RAC1: variants seen among roughly 807,000 people sequenced by gnomAD.
RAC1 encodes ras-related C3 botulinum toxin substrate 1.
In RAC1, 2 loss-of-function variants were observed where a neutral mutation model predicts 25.2. The ratio of observed to expected loss-of-function variants is 0.08; its 90% CI spans 0.03 to 0.25. RAC1 has a LOEUF of 0.25. Ranked by LOEUF, RAC1 falls within the 10% of genes least tolerant of loss-of-function variation. The pLI is 1.00. For missense variants in RAC1, 50 were observed against 235.7 expected (o/e 0.21, Z 5.16); for synonymous variants, 88 against 94.0 (o/e 0.94, Z 0.37).
At chr7:6,393,110 G>C (rs1330125182) in intron 3 of RAC1, among the ~76,000 whole-genome samples, 1 of 152,164 alleles carries the variant, frequency 6.6e-6, no homozygotes, top group East Asian at 1.9e-4. Context: ...GTTGAGGTCA[G>C]GAAGACATCC....
At chr7:6,384,627 G>A (rs767510536) in intron 1 of RAC1, among the ~76,000 whole-genome samples, 14 of 152,102 alleles carry the variant, frequency 9.2e-5, no homozygotes, top group Non-Finnish European at 1.5e-4. Flanking sequence ...ACAGGCAAGA[G>A]CCACCACTTA....
chr7:6,386,954 A>G (rs990529357), intron 1 of RAC1, among the ~76,000 whole-genome samples: 11 of 152,064 alleles, frequency 7.2e-5, no homozygotes. Context: ...CTTGACTATT[A>G]ATGCTAACAC....
chr7:6,398,696 G>T, intron 3 of RAC1: 1 of 1,613,692 alleles, frequency 6.2e-7, no homozygotes. Context: ...ATAACCTCCC[G>T]GGGCAAAGAC....
intron 3 of RAC1, among the ~76,000 whole-genome samples, chr7:6,399,116 G>A (rs1406954169): frequency 6.6e-6 from 1 of 152,304 alleles, no homozygotes; most frequent in African/African-American, 2.4e-5. Flanking sequence ...GTCTGGGCGT[G>A]GCTGTGCAGT....
chr7:6,389,935 T>TTCCC (rs919484237), intron 2 of RAC1, among the ~76,000 whole-genome samples: 2 of 149,840 alleles, frequency 1.3e-5, no homozygotes, highest in Admixed American at 1.3e-4. Flanking sequence ...CCTTCCTTCC[T>TTCCC]TCCCTCCCTC....
intron 1 of RAC1, among the ~76,000 whole-genome samples, chr7:6,376,672 G>GTTTTTTTTTTTT (rs71008385): frequency 3.0e-5 from 3 of 99,958 alleles, no homozygotes; most frequent in Non-Finnish European, 5.7e-5. Context: ...CAGCTAATTT[G>GTTTTTTTTTTTT]TTTTTTTTTT....
chr7:6,382,277 A>G (rs1479548148), intron 1 of RAC1, among the ~76,000 whole-genome samples: 1 of 151,848 alleles, frequency 6.6e-6, no homozygotes. Context: ...GGGAAGAGCC[A>G]CTGCGCCTGG....
intron 1 of RAC1, 49 bp downstream of exon 1, chr7:6,374,819 A>G: frequency 9.2e-7 from 1 of 1,088,624 alleles, no homozygotes. Context: ...TCGGGCGCGG[A>G]GGGGGGTTGG....
At position 6,388,939 on chromosome 7, in the gene RAC1, G is replaced by A. The variant is rs117785916; in HGVS notation, c.107+1656G>A. On this transcript the variant is annotated intron_variant, in intron 2 of 5. Coordinates refer to ENST00000348035, the MANE Select transcript of RAC1 (RefSeq NM_006908.5). ...GATACAGCTGGGCGTGATTGCTCAC[G>A]CCTGTAATCCCAGCACTTTGGGAGG... Among the ~76,000 whole-genome samples the A allele has an allele frequency of 8.2e-4, 125 of 152,158 alleles. 1 individual carries two copies. The highest frequency in any genetic ancestry group is 1.5e-3 in the Non-Finnish European group (102 of 67,996).
chr7:6,398,971 C>G (rs944765845), intron 3 of RAC1, among the ~76,000 whole-genome samples: 12 of 152,224 alleles, frequency 7.9e-5, no homozygotes, highest in African/African-American at 1.9e-4. Context: ...GAGAGGGCCC[C>G]TCTCCTGGCT....
At chr7:6,401,132 T>C (rs928205320) in intron 4 of RAC1, among the ~76,000 whole-genome samples, 15 of 152,156 alleles carry the variant, frequency 9.9e-5, no homozygotes, top group Non-Finnish European at 2.2e-4. Context: ...ATTTTTGTAC[T>C]TTTAGTAGAG....
At chr7:6,385,631 T>A (rs35029637) in intron 1 of RAC1, among the ~76,000 whole-genome samples, 65 of 152,230 alleles carry the variant, frequency 4.3e-4, no homozygotes, top group African/African-American at 1.6e-3. Flanking sequence ...CTAAAGTCTT[T>A]GGAATGGGGA....
intron 1 of RAC1, among the ~76,000 whole-genome samples, chr7:6,386,555 G>T (rs836484): frequency 0.048 from 7,289 of 152,074 alleles, 420 homozygotes; most frequent in African/African-American, 0.13. Flanking sequence ...GTCCAGGTGG[G>T]CGGATCACTT....
intron 3 of RAC1, among the ~76,000 whole-genome samples, chr7:6,394,347 A>T (rs1353848224): frequency 6.6e-6 from 1 of 152,248 alleles, no homozygotes; most frequent in East Asian, 1.9e-4. Flanking sequence ...TAATCCTTAC[A>T]TTATTTTCTC....
At chr7:6,396,766 C>G (rs34072656) in intron 3 of RAC1, among the ~76,000 whole-genome samples, 3,456 of 152,282 alleles carry the variant, frequency 0.023, 65 homozygotes, top group Middle Eastern at 0.041. Context: ...CACGGTGGCT[C>G]ACGCCTGTAA....
At chr7:6,399,607 G>A (rs1417516978) in intron 3 of RAC1, among the ~76,000 whole-genome samples, 1 of 152,204 alleles carries the variant, frequency 6.6e-6, no homozygotes, top group East Asian at 1.9e-4. Context: ...TGTCAGCTGT[G>A]AAGGTGCCAC....
At chr7:6,384,791 A>G (rs938560817) in intron 1 of RAC1, among the ~76,000 whole-genome samples, 2 of 151,396 alleles carry the variant, frequency 1.3e-5, no homozygotes, top group Admixed American at 6.6e-5. Context: ...CCAGGCTTTT[A>G]TTTTTTAATT....
chr7:6,387,159 A>G, intron 1 of RAC1, 53 bp from the exon 2 acceptor site: 2 of 1,131,940 alleles, frequency 1.8e-6, no homozygotes. Flanking sequence ...TAATAGTGAA[A>G]GCTAAGATTA....
At chr7:6,402,062 C>G (rs1314743408) in intron 5 of RAC1, 35 bp downstream of exon 5, 1 of 1,598,658 alleles carries the variant, frequency 6.3e-7, no homozygotes, top group South Asian at 1.1e-5. Flanking sequence ...CTCCTTGTAC[C>G]TCTTTTATTG....
Sources: gnomAD v4.1 joint callset for allele counts (sites outside exome capture counted in the v4.1 genomes callset) on GRCh38, gnomAD v4.1.1 for gene constraint, MANE v1.5 for transcripts, NCBI Gene and HGNC (gene_info 2026-07-23, HGNC 2026-07-21) for gene names.